The following XXYLT1 variants were observed in gnomAD, a reference collection of about 807,000 sequenced individuals.
The protein encoded by XXYLT1 is xyloside xylosyltransferase 1.
A neutral mutation model predicts 28.9 loss-of-function variants in XXYLT1; 20 were observed. The observed-to-expected ratio is 0.69, with a 90% CI of 0.49 to 1.00. XXYLT1 has a LOEUF of 1.00. Ranked by LOEUF, XXYLT1 falls within the 50% of genes least tolerant of loss-of-function variation. The pLI is 0.00. For synonymous variants in XXYLT1, 257 were observed against 253.8 expected, an observed-to-expected ratio of 1.01 and a Z score of -0.12; for missense variants, 542 against 560.1, an observed-to-expected ratio of 0.97 and a Z score of 0.33.
At chr3:195,265,965 T>G (rs1375011623) in intron 1 of XXYLT1, among the ~76,000 whole-genome samples, 1 of 152,210 alleles carries the variant, frequency 6.6e-6, no homozygotes, top group African/African-American at 2.4e-5. Context: ...TGGTATATTC[T>G]GTCAAACCTG....
chr3:195,122,886 T>C (rs1256423867), intron 3 of XXYLT1, among the ~76,000 whole-genome samples: 1 of 152,130 alleles, frequency 6.6e-6, no homozygotes, highest in African/African-American at 2.4e-5. Flanking sequence ...GAGCCCTCTG[T>C]GCTCAGAGAC....
intron 1 of XXYLT1, among the ~76,000 whole-genome samples, chr3:195,235,232 A>G (rs1724486607): frequency 6.6e-6 from 1 of 151,878 alleles, no homozygotes; most frequent in Non-Finnish European, 1.5e-5. Context: ...CTAACTGTGT[A>G]TTTTCACATA....
chr3:195,212,805 C>A lies in XXYLT1; in HGVS notation c.652+13904G>T, dbSNP rs79951338. 8.5e-3 allele frequency among the ~76,000 whole-genome samples: 1,293 copies of A among 152,264 alleles called. 12 individuals carry two copies. The highest frequency in any genetic ancestry group is 0.023 in the African/African-American group (974 of 41,550). ...AAACCAGTCACTGGTGCCACAAAGG[C>A]TGAGGACTGCTGTTCTAAGGCGTTT... On this transcript the variant is annotated intron_variant, in intron 2 of 3. Transcript: ENST00000310380.
intron 2 of XXYLT1, among the ~76,000 whole-genome samples, chr3:195,204,476 A>ACACTCTCTCTCT (rs1553821520): frequency 7.9e-6 from 1 of 125,864 alleles, no homozygotes; most frequent in African/African-American, 2.8e-5. Context: ...TCACTCTCTC[A>ACACTCTCTCTCT]CTCTCTCTCT....
intron 2 of XXYLT1, among the ~76,000 whole-genome samples, chr3:195,197,114 T>C (rs1428884214): frequency 6.6e-6 from 1 of 152,166 alleles, no homozygotes; most frequent in African/African-American, 2.4e-5. Flanking sequence ...TAGCAGCTAG[T>C]CTCCATTTTC....
intron 2 of XXYLT1, among the ~76,000 whole-genome samples, chr3:195,181,953 C>G (rs931621329): frequency 1.3e-5 from 2 of 152,244 alleles, no homozygotes; most frequent in Admixed American, 1.3e-4. Context: ...AACACACTTT[C>G]TATCTCAACA....
At chr3:195,203,738 G>A (rs1722949761) in intron 2 of XXYLT1, among the ~76,000 whole-genome samples, 1 of 152,184 alleles carries the variant, frequency 6.6e-6, no homozygotes, top group African/African-American at 2.4e-5. Context: ...ACAGCCCCTT[G>A]GAGCAGTGTG....
At chr3:195,238,811 C>A (rs1724660880) in intron 1 of XXYLT1, among the ~76,000 whole-genome samples, 1 of 152,178 alleles carries the variant, frequency 6.6e-6, no homozygotes, top group South Asian at 2.1e-4. Context: ...CCTATCCGTT[C>A]GAATTACACA....
rs547872562 is a variant in XXYLT1, at chr3:195,267,785, A to C, written c.504+2770T>G. Among the ~76,000 whole-genome samples, 5 of 152,346 alleles carry C rather than the reference A, an allele frequency of 3.3e-5. 1 individual carries two copies. In the South Asian group the frequency reaches 1.0e-3, roughly 32 times the overall value. ...CCAAGGAAAGAACACCAAAGCCGAGACCTGAAAGCTGAGTACCAAGGATGG... is the reference window on the plus strand; with the variant it reads ...CCAAGGAAAGAACACCAAAGCCGAGCCCTGAAAGCTGAGTACCAAGGATGG... On this transcript the variant is annotated intron_variant, in intron 1 of 3. Transcript: ENST00000310380.
rs1721651479 is a variant in XXYLT1 at position 195,176,064 on chromosome 3, T to A, written c.653-19483A>T. Among the ~76,000 whole-genome samples, 1 of 150,074 alleles carries A rather than the reference T, an allele frequency of 6.7e-6. No individual in the cohort carries two copies. Among genetic ancestry groups the A allele is most frequent in the Admixed American group, 6.7e-5 (1 of 15,034 alleles). ...ACACACCTAAAAGATATGACAGAAT[T>A]TTTTTTTTTTGAGACAGGGTCTCAC... is the stretch of plus-strand genomic sequence containing the variant. On this transcript the variant is annotated intron_variant, in intron 2 of 3. Transcript: ENST00000310380. The surrounding 1 kb of genome is among the most constrained non-coding windows in gnomAD (Gnocchi z 4.9).
intron 1 of XXYLT1, among the ~76,000 whole-genome samples, chr3:195,243,168 C>T (rs147215398): frequency 2.2e-3 from 339 of 152,060 alleles, no homozygotes; most frequent in African/African-American, 7.7e-3. Flanking sequence ...AATGAGAACA[C>T]TTGGACACAG....
intron 1 of XXYLT1, among the ~76,000 whole-genome samples, chr3:195,250,584 T>C (rs1725213815): frequency 6.7e-6 from 1 of 149,596 alleles, no homozygotes. Context: ...AAAAAAACAC[T>C]GCAACCACCC....
At chr3:195,226,301 T>C (rs1053737490) in intron 2 of XXYLT1, among the ~76,000 whole-genome samples, 2 of 152,200 alleles carry the variant, frequency 1.3e-5, no homozygotes, top group African/African-American at 4.8e-5. Flanking sequence ...AGATTTGCTA[T>C]TTTAAAATCA....
rs888157291 is a variant in XXYLT1 at position 195,173,546 on chromosome 3, A to T, written c.653-16965T>A. Among the ~76,000 whole-genome samples, 11 of 152,208 alleles carry T rather than the reference A, an allele frequency of 7.2e-5. No homozygotes were observed. The highest frequency in any genetic ancestry group is 2.7e-4 in the African/African-American group (11 of 41,456). On this transcript the variant is annotated intron_variant, in intron 2 of 3. Transcript: ENST00000310380. The surrounding 1 kb of genome is among the most constrained non-coding windows in gnomAD (Gnocchi z 4.3). ...TTTATTCACTGAATCGTATGCTCCTAATGACTAAAAGCATCATTTTAAAGA... is the reference window on the plus strand; with the variant it reads ...TTTATTCACTGAATCGTATGCTCCTTATGACTAAAAGCATCATTTTAAAGA...
chr3:195,220,785 A>T (rs1400695801), intron 2 of XXYLT1, among the ~76,000 whole-genome samples: 1 of 152,246 alleles, frequency 6.6e-6, no homozygotes, highest in East Asian at 1.9e-4. Context: ...GTCAGGAGGC[A>T]GACACTACCA....
At chr3:195,244,439 C>T (rs1724916551) in intron 1 of XXYLT1, among the ~76,000 whole-genome samples, 2 of 152,188 alleles carry the variant, frequency 1.3e-5, no homozygotes, top group South Asian at 2.1e-4. Context: ...GAGTCAGGGT[C>T]GGCAGTCAGG....
At chr3:195,269,637 G>T (rs1725952515) in intron 1 of XXYLT1, among the ~76,000 whole-genome samples, 1 of 152,214 alleles carries the variant, frequency 6.6e-6, no homozygotes, top group Admixed American at 6.5e-5. Flanking sequence ...CCTGGCAACA[G>T]CTCCCCTAGT....
intron 3 of XXYLT1, among the ~76,000 whole-genome samples, chr3:195,073,811 T>A (rs929625474): frequency 6.6e-6 from 1 of 152,184 alleles, no homozygotes; most frequent in African/African-American, 2.4e-5. Flanking sequence ...TAAAAAAGAC[T>A]ATTAAAAGCT....
At chr3:195,179,822 C>T (rs58875096) in intron 2 of XXYLT1, among the ~76,000 whole-genome samples, 1 of 152,118 alleles carries the variant, frequency 6.6e-6, no homozygotes, top group Non-Finnish European at 1.5e-5. Context: ...AATTTAAAAA[C>T]GAGTCACAAT....
Sources: allele counts gnomAD v4.1 joint callset (sites outside exome capture counted in the v4.1 genomes callset), GRCh38; gene constraint gnomAD v4.1.1; non-coding constraint Gnocchi (gnomAD v3.1); transcripts MANE v1.5; gene names NCBI Gene and HGNC (gene_info 2026-07-23, HGNC 2026-07-21).